Variants in LPIN2 observed in about 807,000 individuals in gnomAD.
LPIN2 encodes lipin 2, also known as phosphatidate phosphatase LPIN2.
In LPIN2, 55 loss-of-function variants were observed where a neutral mutation model predicts 111.4. The ratio of observed to expected loss-of-function variants is 0.49; its 90% CI spans 0.40 to 0.62. LPIN2 has a LOEUF of 0.62. LPIN2 is among the 20% of genes least tolerant of loss of function. The probability of loss-of-function intolerance (pLI) is 0.00; values close to 1 mark genes in which losing one functional copy is unlikely to be tolerated. For missense variants in LPIN2, 992 were observed against 1,112.1 expected (o/e 0.89, Z 1.54); for synonymous variants, 425 against 414.0 (o/e 1.03, Z -0.32).
chr18:2,960,357 T>C (rs557591222), intron 2 of LPIN2, among the ~76,000 whole-genome samples: 29 of 152,276 alleles, frequency 1.9e-4, no homozygotes, highest in Non-Finnish European at 4.1e-4. Flanking sequence ...TCTGTTTTGC[T>C]TTTCTGAGTT....
At chr18:2,952,124 T>C (rs1214522890) in intron 3 of LPIN2, among the ~76,000 whole-genome samples, 3 of 152,144 alleles carry the variant, frequency 2.0e-5, no homozygotes, top group African/African-American at 7.2e-5. Flanking sequence ...AGGTACATAA[T>C]AGAGATAAAA....
At chr18:3,008,881 T>G (rs957833687) in intron 1 of LPIN2, among the ~76,000 whole-genome samples, 6 of 146,708 alleles carry the variant, frequency 4.1e-5, no homozygotes, top group Non-Finnish European at 6.0e-5. Context: ...ACAGCTGTGT[T>G]TTTTTTTTTT....
chr18:2,944,010 C>CT (rs1178614447), intron 4 of LPIN2, among the ~76,000 whole-genome samples: 1 of 152,104 alleles, frequency 6.6e-6, no homozygotes, highest in South Asian at 2.1e-4. Context: ...AAATAAACCC[C>CT]TTTTAATTTT....
intron 17 of LPIN2, 69 bp downstream of exon 17, chr18:2,921,978 C>G (rs1327434927): frequency 6.5e-7 from 1 of 1,537,698 alleles, no homozygotes; most frequent in Non-Finnish European, 8.7e-7. Context: ...CCACACATCC[C>G]CCCACCTTGG....
At chr18:2,959,601 T>C (rs1242770477) in intron 2 of LPIN2, among the ~76,000 whole-genome samples, 8 of 152,168 alleles carry the variant, frequency 5.3e-5, no homozygotes, top group Admixed American at 5.2e-4. Flanking sequence ...ACTAGCTCTG[T>C]TTTCTAATTT....
chr18:2,990,760 G>C, intron 1 of LPIN2: 1 of 351,516 alleles, frequency 2.8e-6, no homozygotes, highest in Admixed American at 3.5e-5. Context: ...GAAATGGATG[G>C]AAGAACAGGC....
chr18:3,008,627 C>T (rs1452196062), intron 1 of LPIN2, among the ~76,000 whole-genome samples: 1 of 152,084 alleles, frequency 6.6e-6, no homozygotes, highest in Non-Finnish European at 1.5e-5. Flanking sequence ...CCATCTTTAG[C>T]TCCTCCCTTC....
intron 18 of LPIN2, 40 bp from the exon 19 acceptor site, chr18:2,920,921 G>C (rs898861865): frequency 1.5e-6 from 2 of 1,315,288 alleles, no homozygotes; most frequent in African/African-American, 1.4e-5. Flanking sequence ...CCAGGGAGGA[G>C]AATTCAGGAG....
chr18:2,951,273 T>C lies in LPIN2; in HGVS notation c.372A>G (p.Lys124=). ...FFKDIDTPLV[K]SGGDETPSQS... is the part of the protein sequence containing the mutation. ...GAGATGGTGTTTCATCTCCACCCGA[T>C]TTCACCAAAGGGGTGTCAATATCTT... The change falls in exon 4 of 20, where the codon AAA becomes AAG. Residue 124 remains lysine, a synonymous_variant. Coordinates refer to ENST00000677752, the MANE Select transcript of LPIN2 (RefSeq NM_001375808.2). 5 of 1,614,138 alleles carry C rather than the reference T, an allele frequency of 3.1e-6. No homozygotes were observed. In the East Asian group the frequency reaches 1.1e-4, roughly 36 times the overall value.
chr18:2,931,935 G>A (rs570838646), intron 8 of LPIN2, among the ~76,000 whole-genome samples: 3 of 152,140 alleles, frequency 2.0e-5, no homozygotes, highest in South Asian at 2.1e-4. Flanking sequence ...TTCTAAGTTC[G>A]CCTATTACCT....
intron 4 of LPIN2, among the ~76,000 whole-genome samples, chr18:2,942,352 A>G (rs958989623): frequency 6.6e-6 from 1 of 152,200 alleles, no homozygotes; most frequent in Non-Finnish European, 1.5e-5. Flanking sequence ...GAGAAAGGGA[A>G]AATCAGGTTT....
intron 1 of LPIN2, among the ~76,000 whole-genome samples, chr18:2,999,044 G>A (rs894076911): frequency 6.6e-5 from 10 of 152,192 alleles, no homozygotes; most frequent in African/African-American, 2.4e-4. Flanking sequence ...GAAGATAGGT[G>A]TAACTAAAAG....
intron 7 of LPIN2, among the ~76,000 whole-genome samples, chr18:2,937,371 C>T (rs1344420745): frequency 6.6e-6 from 1 of 151,740 alleles, no homozygotes; most frequent in Non-Finnish European, 1.5e-5. Context: ...TGGTGAAATG[C>T]CATCTCTATT....
Position 3,008,620 on chromosome 18 carries a change from T to C in LPIN2, c.-10+4467A>G, listed in dbSNP as rs117548495. ...AAGTTTCCGAAGGATGCTTTCCCCATCTTTAGCTCCTCCCTTCATCTAATA... is the reference window on the plus strand; with the variant it reads ...AAGTTTCCGAAGGATGCTTTCCCCACCTTTAGCTCCTCCCTTCATCTAATA... On this transcript the variant is annotated intron_variant, in intron 1 of 19. Coordinates refer to ENST00000677752, the MANE Select transcript of LPIN2 (RefSeq NM_001375808.2). 4.7e-3 allele frequency among the ~76,000 whole-genome samples: 717 copies of C among 152,328 alleles called. 8 individuals are homozygous for C. Among genetic ancestry groups the C allele is most frequent in the African/African-American group, 0.016 (649 of 41,568 alleles).
intron 1 of LPIN2, among the ~76,000 whole-genome samples, chr18:2,966,244 G>A (rs2077801627): frequency 6.6e-6 from 1 of 152,098 alleles, no homozygotes; most frequent in Admixed American, 6.5e-5. Flanking sequence ...GCCTCAAAAT[G>A]GATACATTCT....
chr18:2,930,117 C>G (rs2077192985), intron 9 of LPIN2, among the ~76,000 whole-genome samples: 1 of 152,178 alleles, frequency 6.6e-6, no homozygotes, highest in Non-Finnish European at 1.5e-5. Flanking sequence ...AACAGAGAAA[C>G]TGCTCACTTG....
intron 1 of LPIN2, among the ~76,000 whole-genome samples, chr18:3,004,716 A>G (rs1469694903): frequency 6.6e-6 from 1 of 152,146 alleles, no homozygotes; most frequent in Non-Finnish European, 1.5e-5. Context: ...CAACACCTTT[A>G]GTCACCTTCC....
chr18:2,934,716 T>C (rs2077261471), intron 7 of LPIN2, among the ~76,000 whole-genome samples: 1 of 152,166 alleles, frequency 6.6e-6, no homozygotes, highest in Non-Finnish European at 1.5e-5. Context: ...CCTAAATAAT[T>C]TATATTTTAA....
intron 1 of LPIN2, among the ~76,000 whole-genome samples, chr18:3,005,768 G>A (rs1186675154): frequency 2.0e-5 from 3 of 151,810 alleles, no homozygotes; most frequent in Non-Finnish European, 4.4e-5. Context: ...GCCCAACTCA[G>A]CAATCCCAGC....
Sources: gnomAD v4.1 joint callset for allele counts (sites outside exome capture counted in the v4.1 genomes callset) on GRCh38, gnomAD v4.1.1 for gene constraint, MANE v1.5 for transcripts, NCBI Gene and HGNC (gene_info 2026-07-23, HGNC 2026-07-21) for gene names.